KANSL1L: variants seen among roughly 807,000 people sequenced by gnomAD.
KANSL1L encodes KAT8 regulatory NSL complex subunit 1 like.
Under a neutral mutation model 108.6 loss-of-function variants are expected in KANSL1L, and 25 were observed. The observed-to-expected ratio is 0.23, with a 90% CI of 0.17 to 0.32. The LOEUF (loss-of-function observed/expected upper bound fraction) is 0.32, where lower values mean the gene tolerates loss of function less well. KANSL1L is among the 10% of genes least tolerant of loss of function. The pLI is 1.00. For missense variants in KANSL1L, 1,137 were observed against 1,125.7 expected, an observed-to-expected ratio of 1.01 and a Z score of -0.14; for synonymous variants, 405 against 395.1, an observed-to-expected ratio of 1.03 and a Z score of -0.30.
At chr2:210,118,833 G>C (rs1375770975) in intron 3 of KANSL1L, among the ~76,000 whole-genome samples, 1 of 146,992 alleles carries the variant, frequency 6.8e-6, no homozygotes, top group Non-Finnish European at 1.5e-5. Context: ...AACAGAGTAA[G>C]ACCCTGTCTC....
At chr2:210,141,085 C>T (rs1313258754) in intron 2 of KANSL1L, among the ~76,000 whole-genome samples, 1 of 151,910 alleles carries the variant, frequency 6.6e-6, no homozygotes, top group Non-Finnish European at 1.5e-5. Flanking sequence ...GATTTGGATA[C>T]TTTTTTAAAA....
chr2:210,091,953 C>CA (rs1280686558), intron 5 of KANSL1L, among the ~76,000 whole-genome samples: 1 of 152,134 alleles, frequency 6.6e-6, no homozygotes, highest in African/African-American at 2.4e-5. Context: ...TCTAGGTAAA[C>CA]AGTTATTTCC....
intron 1 of KANSL1L, among the ~76,000 whole-genome samples, chr2:210,159,077 G>A (rs2095348369): frequency 6.6e-6 from 1 of 152,202 alleles, no homozygotes; most frequent in Non-Finnish European, 1.5e-5. Flanking sequence ...ATAACCTGGT[G>A]AGAAAATGAG....
intron 5 of KANSL1L, among the ~76,000 whole-genome samples, chr2:210,077,234 A>G (rs187229453): frequency 7.3e-4 from 111 of 152,280 alleles, no homozygotes; most frequent in Admixed American, 4.7e-3. Flanking sequence ...CAATATAGAA[A>G]AAAGGAGTTG....
chr2:210,172,288 A>G (rs2125702754), upstream of KANSL1L, among the ~76,000 whole-genome samples: 1 of 152,328 alleles, frequency 6.6e-6, no homozygotes, highest in East Asian at 1.9e-4. Flanking sequence ...TTTCCTAAGC[A>G]CCGAATTTAC....
chr2:210,060,543 A>T (rs1024907526), intron 6 of KANSL1L, among the ~76,000 whole-genome samples: 1 of 152,234 alleles, frequency 6.6e-6, no homozygotes, highest in South Asian at 2.1e-4. Context: ...AACATTCCAT[A>T]ATCTTAATAA....
chr2:210,027,048 G>C (rs1340442533), intron 12 of KANSL1L, among the ~76,000 whole-genome samples: 1 of 152,194 alleles, frequency 6.6e-6, no homozygotes, highest in Non-Finnish European at 1.5e-5. Flanking sequence ...TGGGATTACA[G>C]GCATTAGCCA....
intron 2 of KANSL1L, among the ~76,000 whole-genome samples, chr2:210,145,494 C>A (rs1015962064): frequency 1.3e-5 from 2 of 152,226 alleles, no homozygotes; most frequent in African/African-American, 4.8e-5. Context: ...AGCACACACA[C>A]AGCTACAATG....
intron 1 of KANSL1L, among the ~76,000 whole-genome samples, chr2:210,168,673 G>T (rs1263125702): frequency 6.6e-6 from 1 of 152,068 alleles, no homozygotes; most frequent in African/African-American, 2.4e-5. Flanking sequence ...CAGCAGTTGG[G>T]CTATGAGAAG....
intron 3 of KANSL1L, among the ~76,000 whole-genome samples, chr2:210,107,689 C>T (rs1171567525): frequency 2.6e-5 from 4 of 151,708 alleles, no homozygotes; most frequent in African/African-American, 7.3e-5. Context: ...CCACCACGCC[C>T]GGCTAATTTT....
intron 5 of KANSL1L, among the ~76,000 whole-genome samples, chr2:210,076,433 C>T (rs1575481790): frequency 6.6e-6 from 1 of 152,122 alleles, no homozygotes; most frequent in Non-Finnish European, 1.5e-5. Flanking sequence ...GTGATCCGCC[C>T]ATCTTGGCCT....
At chr2:210,155,794 G>A (rs2095330019) in intron 1 of KANSL1L, among the ~76,000 whole-genome samples, 1 of 152,154 alleles carries the variant, frequency 6.6e-6, no homozygotes, top group South Asian at 2.1e-4. Context: ...CTAGTATTTT[G>A]TAACCTGATA....
At position 210,022,608 on chromosome 2, in the gene KANSL1L, A is replaced by G. The variant is rs2093875965; in HGVS notation, c.*341T>C. ...TCACTTGGCACACAGGTTTGTATGTATGTGTATATATATATGTATGTATGT... is the reference window on the plus strand; with the variant it reads ...TCACTTGGCACACAGGTTTGTATGTGTGTGTATATATATATGTATGTATGT... On this transcript the variant is annotated 3_prime_UTR_variant, in exon 15 of 15. Coordinates refer to ENST00000281772, the MANE Select transcript of KANSL1L (RefSeq NM_152519.4). 1 of 210,392 alleles carries G rather than the reference A, an allele frequency of 4.8e-6. No individual in the cohort carries two copies. Among genetic ancestry groups the G allele is most frequent in the Non-Finnish European group, 9.5e-6 (1 of 104,842 alleles). 13.0% of individuals were successfully genotyped at this position (210,392 alleles called of 1,614,324 possible).
At chr2:210,144,795 G>A (rs916204778) in intron 2 of KANSL1L, among the ~76,000 whole-genome samples, 2 of 152,218 alleles carry the variant, frequency 1.3e-5, no homozygotes, top group African/African-American at 4.8e-5. Flanking sequence ...TGAATTATCT[G>A]CCAAGATATT....
chr2:210,064,818 A>C (rs1276684986), intron 6 of KANSL1L, among the ~76,000 whole-genome samples: 1 of 121,102 alleles, frequency 8.3e-6, no homozygotes, highest in Non-Finnish European at 1.7e-5. Context: ...CTCCCCCACC[A>C]AAAAAAAAAA....
upstream of KANSL1L, chr2:210,171,429 C>A (rs1688333627): frequency 6.4e-6 from 1 of 156,934 alleles, no homozygotes; most frequent in South Asian, 1.7e-4. Context: ...GGGCGGGGCC[C>A]GGCGCTAGCC....
intron 6 of KANSL1L, among the ~76,000 whole-genome samples, chr2:210,053,502 C>T (rs1468466735): frequency 6.6e-6 from 1 of 152,046 alleles, no homozygotes; most frequent in East Asian, 1.9e-4. Context: ...GGGGCTGAGG[C>T]AGGAGAATTG....
chr2:210,030,224 C>T (rs548884572), intron 9 of KANSL1L, among the ~76,000 whole-genome samples: 1 of 152,042 alleles, frequency 6.6e-6, no homozygotes, highest in African/African-American at 2.4e-5. Context: ...GTTGAACCAC[C>T]AGAACTATCT....
intron 5 of KANSL1L, among the ~76,000 whole-genome samples, chr2:210,082,808 ACT>A (rs974720989): frequency 2.0e-5 from 3 of 152,166 alleles, no homozygotes; most frequent in Admixed American, 1.3e-4. Context: ...GTAGAAATAA[ACT>A]CTGAAGAAAA....
Sources: gnomAD v4.1 joint callset for allele counts (sites outside exome capture counted in the v4.1 genomes callset) on GRCh38, gnomAD v4.1.1 for gene constraint, MANE v1.5 for transcripts, NCBI Gene and HGNC (gene_info 2026-07-23, HGNC 2026-07-21) for gene names.